Variants in ASB3 observed in about 807,000 individuals in gnomAD.
The protein encoded by ASB3 is ankyrin repeat and SOCS box protein 3.
In ASB3, 41 loss-of-function variants were observed where a neutral mutation model predicts 54.5. That is an observed-to-expected ratio of 0.75 (90% CI 0.59 to 0.98). The LOEUF (loss-of-function observed/expected upper bound fraction) is 0.98, where lower values mean the gene tolerates loss of function less well. ASB3 is among the 50% of genes least tolerant of loss of function. The pLI is 0.00. For synonymous variants in ASB3, 266 were observed against 221.2 expected, an observed-to-expected ratio of 1.20 and a Z score of -1.80; for missense variants, 733 against 620.0, an observed-to-expected ratio of 1.18 and a Z score of -1.94.
chr2:53,752,281 A>T (rs1317089378), intron 2 of ASB3, among the ~76,000 whole-genome samples: 4 of 152,232 alleles, frequency 2.6e-5, no homozygotes, highest in Non-Finnish European at 5.9e-5. Context: ...GTTCAGCTAA[A>T]ATCCGGGTTC....
At chr2:53,699,181 CT>C (rs1467285440) in intron 8 of ASB3, among the ~76,000 whole-genome samples, 1 of 152,200 alleles carries the variant, frequency 6.6e-6, no homozygotes, top group Non-Finnish European at 1.5e-5. Context: ...TCCAGTCTCT[CT>C]TCTTATAAAG....
chr2:53,717,460 G>T (rs1441811142), intron 5 of ASB3, among the ~76,000 whole-genome samples: 2 of 151,930 alleles, frequency 1.3e-5, no homozygotes, highest in African/African-American at 2.4e-5. Flanking sequence ...CTTTCAACAG[G>T]TTTCTGAGTT....
chr2:53,726,224 A>C (rs1174618383), intron 5 of ASB3, among the ~76,000 whole-genome samples: 1 of 151,788 alleles, frequency 6.6e-6, no homozygotes, highest in Non-Finnish European at 1.5e-5. Flanking sequence ...ATGAGGAGAG[A>C]CATTAAGGTG....
At position 53,679,494 on chromosome 2, in the gene ASB3, C is replaced by CA. The variant is rs552960118; in HGVS notation, c.1370-8805dup. Among the ~76,000 whole-genome samples the CA allele has an allele frequency of 9.2e-5, 14 of 152,204 alleles. No homozygotes were observed. In the East Asian group the frequency reaches 2.3e-3, roughly 25 times the overall value. ...CCATCCTCATCTTTCTTCTCCATCT[C>CA]AAAGAAATGGGTCTACCTGAGGCTA... On this transcript the variant is annotated intron_variant, in intron 9 of 9. Transcript: ENST00000263634.
intron 3 of ASB3, among the ~76,000 whole-genome samples, chr2:53,738,731 T>C (rs1477809145): frequency 6.6e-6 from 1 of 152,134 alleles, no homozygotes; most frequent in Non-Finnish European, 1.5e-5. Context: ...AAAGATAAGG[T>C]GTAATTCTAG....
At chr2:53,700,585 C>A (rs1669432599) in intron 7 of ASB3, 57 bp from the exon 8 acceptor site, 2 of 1,545,816 alleles carry the variant, frequency 1.3e-6, no homozygotes, top group Non-Finnish European at 8.7e-7. Context: ...ACATAAGATA[C>A]TTCTTACAAA....
intron 3 of ASB3, among the ~76,000 whole-genome samples, chr2:53,730,664 T>A (rs763148888): frequency 2.0e-5 from 3 of 152,208 alleles, no homozygotes; most frequent in Non-Finnish European, 4.4e-5. Flanking sequence ...TCCCATCAAC[T>A]GTGTATACAT....
intron 5 of ASB3, among the ~76,000 whole-genome samples, chr2:53,718,790 C>T (rs1401659720): frequency 6.6e-6 from 1 of 151,454 alleles, no homozygotes; most frequent in African/African-American, 2.4e-5. Context: ...AGAAAAAAGA[C>T]CCATCCATCT....
intron 3 of ASB3, among the ~76,000 whole-genome samples, chr2:53,744,212 T>C (rs1022093472): frequency 6.9e-6 from 1 of 144,218 alleles, no homozygotes; most frequent in African/African-American, 2.6e-5. Flanking sequence ...TCATCTCTAC[T>C]AAAAATACAA....
At chr2:53,777,109 C>T (rs542788531) in intron 1 of ASB3, among the ~76,000 whole-genome samples, 19 of 152,176 alleles carry the variant, frequency 1.2e-4, no homozygotes, top group Admixed American at 2.0e-4. Flanking sequence ...ATAAATGGTT[C>T]GCCCACACAT....
chr2:53,728,133 G>T (rs1465615289), intron 5 of ASB3, among the ~76,000 whole-genome samples: 4 of 151,996 alleles, frequency 2.6e-5, no homozygotes, highest in African/African-American at 9.7e-5. Flanking sequence ...AGATTTAAAA[G>T]CCCCTGTAAA....
chr2:53,758,032 G>GGA lies in ASB3; in HGVS notation c.197-7093_197-7092dup, dbSNP rs560967577. Reference sequence around the variant, plus strand: ...AGACAGAGAGAGAGAGAAAAGAGAGGGAGAGAGAGAAAAAGAGAGATAGAA... The same window carrying GGA: ...AGACAGAGAGAGAGAGAAAAGAGAGGGAGAGAGAGAGAAAAAGAGAGATAGAA... On this transcript the variant is annotated intron_variant, in intron 2 of 9. Coordinates refer to ENST00000263634, the MANE Select transcript of ASB3 (RefSeq NM_016115.5). Among the ~76,000 whole-genome samples, 349 of 152,132 alleles carry GGA rather than the reference G, an allele frequency of 2.3e-3. 1 individual carries two copies. Among genetic ancestry groups the GGA allele is most frequent in the African/African-American group, 8.0e-3 (334 of 41,500 alleles).
At chr2:53,778,689 A>G (rs931142399) in intron 1 of ASB3, among the ~76,000 whole-genome samples, 1 of 152,138 alleles carries the variant, frequency 6.6e-6, no homozygotes, top group Non-Finnish European at 1.5e-5. Flanking sequence ...TCTCCAATCC[A>G]TCCATGTCGT....
chr2:53,690,684 T>G (rs17045105), intron 9 of ASB3, among the ~76,000 whole-genome samples: 4,270 of 152,268 alleles, frequency 0.028, 199 homozygotes, highest in African/African-American at 0.097. Context: ...GACTCCATTT[T>G]TTATCCATCT....
chr2:53,734,184 G>A (rs1007467442), intron 3 of ASB3, among the ~76,000 whole-genome samples: 4 of 152,086 alleles, frequency 2.6e-5, no homozygotes, highest in South Asian at 2.1e-4. Context: ...GCCAGTTTTC[G>A]GGCCAGTTTA....
intron 8 of ASB3, among the ~76,000 whole-genome samples, chr2:53,696,800 A>G (rs995654220): frequency 6.6e-6 from 1 of 152,230 alleles, no homozygotes; most frequent in Non-Finnish European, 1.5e-5. Context: ...ATTAGGTATT[A>G]TAAGTAATCT....
chr2:53,732,956 G>C (rs57147193), intron 3 of ASB3, among the ~76,000 whole-genome samples: 2,084 of 152,280 alleles, frequency 0.014, 60 homozygotes, highest in African/African-American at 0.046. Flanking sequence ...TGAATGGTTT[G>C]CTTCCAAAAA....
At chr2:53,712,666 G>T (rs1385632758) in intron 7 of ASB3, among the ~76,000 whole-genome samples, 2 of 152,108 alleles carry the variant, frequency 1.3e-5, no homozygotes, top group African/African-American at 2.4e-5. Flanking sequence ...CGTGAGCTTA[G>T]CTGCTGTGAC....
chr2:53,773,488 T>C (rs1674090089), intron 1 of ASB3, among the ~76,000 whole-genome samples: 1 of 152,112 alleles, frequency 6.6e-6, no homozygotes, highest in Non-Finnish European at 1.5e-5. Flanking sequence ...TTGAGTTCAG[T>C]GGCATGATCT....
Sources: gnomAD v4.1 joint callset for allele counts (sites outside exome capture counted in the v4.1 genomes callset) on GRCh38, gnomAD v4.1.1 for gene constraint, MANE v1.5 for transcripts, NCBI Gene and HGNC (gene_info 2026-07-23, HGNC 2026-07-21) for gene names.